Variants in HK2 observed in about 807,000 individuals in gnomAD.
HK2 encodes hexokinase-2.
Under a neutral mutation model 92.9 loss-of-function variants are expected in HK2, and 42 were observed. That is an observed-to-expected ratio of 0.45 (90% CI 0.35 to 0.58). The LOEUF (loss-of-function observed/expected upper bound fraction) is 0.58. Among genes scored for constraint, HK2 ranks in the 20% least tolerant of loss-of-function variants. HK2 has a pLI of 0.00. For missense variants in HK2, 978 were observed against 1,245.1 expected, an observed-to-expected ratio of 0.79 and a Z score of 3.23; for synonymous variants, 422 against 468.0, an observed-to-expected ratio of 0.90 and a Z score of 1.27.
rs1404965907 is a variant in HK2, at chr2:74,888,034, C to T, written c.2351C>T (p.Thr784Ile). The T allele has an allele frequency of 3.1e-6, 5 of 1,614,194 alleles. No homozygotes were observed. Among genetic ancestry groups the T allele is most frequent in the Non-Finnish European group, 8.5e-7 (1 of 1,180,036 alleles). ...ERLKTRGIFE[T>I]KFLSQIESDC... ...CTCAAGACAAGGGGCATCTTTGAAA[C>T]CAAGTTCTTGTCTCAGATTGAGAGG... The change falls in exon 16 of 18, where the codon ACC (threonine) becomes ATC (isoleucine). Residue 784 changes from threonine (T) to isoleucine (I), a missense_variant. This residue lies in a region of HK2 where 742 missense variants were observed against 922.5 expected (regional missense o/e 0.80). Coordinates refer to ENST00000290573, the MANE Select transcript of HK2 (RefSeq NM_000189.5).
rs140765480 is a variant in HK2 at position 74,864,288 on chromosome 2, C to T, written c.227-3348C>T. 8.1e-4 allele frequency among the ~76,000 whole-genome samples: 124 copies of T among 152,300 alleles called. 1 individual carries two copies. The highest frequency in any genetic ancestry group is 2.8e-3 in the African/African-American group (118 of 41,556). On this transcript the variant is annotated intron_variant, in intron 2 of 17. Transcript: ENST00000290573. ...TTGCTGTGCGTTTATAGCCATGTCA[C>T]GTGAGCCCTATGTTGTAGCTACTCT... is the stretch of plus-strand genomic sequence containing the variant.
chr2:74,835,548 A>G (rs1243396778), intron 1 of HK2, among the ~76,000 whole-genome samples: 4 of 151,908 alleles, frequency 2.6e-5, no homozygotes, highest in South Asian at 4.1e-4. Context: ...GGTCATTTAC[A>G]TAAGAAAGAG....
intron 1 of HK2, among the ~76,000 whole-genome samples, chr2:74,836,512 T>A (rs531348421): frequency 1.3e-5 from 2 of 152,210 alleles, no homozygotes; most frequent in African/African-American, 2.4e-5. Context: ...CTTTATGGAG[T>A]TGCGATTATT....
chr2:74,879,027 AC>A, intron 9 of HK2, 106 bp downstream of exon 9: 2 of 941,902 alleles, frequency 2.1e-6, no homozygotes, highest in Non-Finnish European at 3.4e-6. Flanking sequence ...GTGTGGAGGG[AC>A]CATAGAGCTG....
chr2:74,875,246 G>A (rs1333004236), intron 7 of HK2, among the ~76,000 whole-genome samples: 1 of 151,724 alleles, frequency 6.6e-6, no homozygotes, highest in African/African-American at 2.4e-5. Flanking sequence ...AAAGCTTTTC[G>A]TGCAGATCTC....
At chr2:74,868,565 G>A (rs575232692) in intron 3 of HK2, among the ~76,000 whole-genome samples, 11 of 152,074 alleles carry the variant, frequency 7.2e-5, no homozygotes, top group African/African-American at 2.4e-4. Context: ...AGTACTCTTC[G>A]TGTTTTTTTC....
rs760327492 is a variant in HK2 at position 74,854,869 on chromosome 2, G to A, written c.226+414G>A. On this transcript the variant is annotated intron_variant, in intron 2 of 17. Transcript: ENST00000290573. ...CACCTGTGCATGCTCTAACTGGGAC[G>A]CCGGACGCCGTGTAGGCATGTGGGA... Among the ~76,000 whole-genome samples the A allele has an allele frequency of 4.6e-5, 7 of 152,226 alleles. No individual in the cohort carries two copies. The East Asian group carries it at 7.7e-4, about 17-fold the overall frequency.
At position 74,885,562 on chromosome 2, in the gene HK2, G is replaced by A. The variant is rs1322003385; in HGVS notation, c.1908G>A (p.Leu636=). The change falls in exon 13 of 18, where the codon CTG becomes CTA. Residue 636 remains leucine, a synonymous_variant. Transcript: ENST00000290573. ...SGCEGEDVVT[L]LKEAIHRREE... ...GCGAGGGCGAGGACGTGGTGACCCT[G>A]CTGAAGGAAGCGATCCACCGGCGAG... The A allele has an allele frequency of 6.8e-6, 11 of 1,613,484 alleles. No individual in the cohort carries two copies. In the African/African-American group the frequency reaches 1.3e-4, roughly 20 times the overall value.
Position 74,873,960 on chromosome 2 carries a change from C to A in HK2, c.691+17C>A. The stretch of plus-strand genomic sequence containing the variant: ...TCATTGTGGGTGAGTGAACACCGTG[C>A]ATGAAGGGCCCGTGCTGGCCAAGGG... On this transcript the variant is annotated intron_variant, in intron 6 of 17. Transcript: ENST00000290573. The A allele has an allele frequency of 6.3e-7, 1 of 1,577,930 alleles. No homozygotes were observed. Among genetic ancestry groups the A allele is most frequent in the Non-Finnish European group, 8.7e-7 (1 of 1,147,200 alleles).
rs144258941 is a variant in HK2, at chr2:74,866,344, C to G, written c.227-1292C>G. Reference sequence around the variant, plus strand: ...AAGGGGTTGAGTGTTGACAAACATGCCAATAAGTGAACCCCCCAGGAAATT... The same window carrying G: ...AAGGGGTTGAGTGTTGACAAACATGGCAATAAGTGAACCCCCCAGGAAATT... On this transcript the variant is annotated intron_variant, in intron 2 of 17. Transcript: ENST00000290573. Among the ~76,000 whole-genome samples, 968 of 152,268 alleles carry G rather than the reference C, an allele frequency of 6.4e-3. 20 individuals carry two copies. The highest frequency in any genetic ancestry group is 0.021 in the African/African-American group (892 of 41,506).
chr2:74,891,198 A>C lies in HK2; in HGVS notation c.*257A>C, dbSNP rs543756118. On this transcript the variant is annotated 3_prime_UTR_variant, in exon 18 of 18. Transcript: ENST00000290573. Reference sequence around the variant, plus strand: ...TTCCCATTGGTTCTCCTAAAACATGAAAATTATCTCCCTTAGTAATCCCCC... The same window carrying C: ...TTCCCATTGGTTCTCCTAAAACATGCAAATTATCTCCCTTAGTAATCCCCC... The C allele has an allele frequency of 1.9e-6, 1 of 522,626 alleles. No homozygotes were observed. Among genetic ancestry groups the C allele is most frequent in the South Asian group, 2.0e-5 (1 of 48,864 alleles). The allele number at this position is 522,626 out of a possible 1,614,324, so 32.4% of individuals were successfully genotyped here. A position where few individuals can be genotyped will look rare whatever the true frequency, so the allele number is the denominator to read the frequency against.
chr2:74,876,428 T>C, intron 7 of HK2, among the ~76,000 whole-genome samples: 1 of 152,236 alleles, frequency 6.6e-6, no homozygotes, highest in Non-Finnish European at 1.5e-5. Context: ...CTCTCAGTTC[T>C]AGTCAGAAAG....
At chr2:74,835,729 G>C (rs750908767) in intron 1 of HK2, among the ~76,000 whole-genome samples, 1 of 152,236 alleles carries the variant, frequency 6.6e-6, no homozygotes, top group Non-Finnish European at 1.5e-5. Context: ...TTTGAGGTAG[G>C]GGACAAGTTG....
chr2:74,866,825 G>A lies in HK2; in HGVS notation c.227-811G>A, dbSNP rs141090167. On this transcript the variant is annotated intron_variant, in intron 2 of 17. Transcript: ENST00000290573. ...AGATCCTTTGAGGGGGCACCTGCTT[G>A]CCTTATTCACCAGGCCTCAATGTGT... Among the ~76,000 whole-genome samples the A allele has an allele frequency of 8.5e-4, 129 of 152,268 alleles. 1 individual carries two copies. Among genetic ancestry groups the A allele is most frequent in the African/African-American group, 2.9e-3 (120 of 41,512 alleles).
chr2:74,886,235 T>C, intron 13 of HK2, 59 bp from the exon 14 acceptor site: 2 of 1,203,420 alleles, frequency 1.7e-6, no homozygotes, highest in Non-Finnish European at 2.5e-6. Flanking sequence ...CATGCAATTG[T>C]CTGAAAGGAG....
At chr2:74,847,862 C>T (rs148328053) in intron 1 of HK2, among the ~76,000 whole-genome samples, 13 of 152,334 alleles carry the variant, frequency 8.5e-5, no homozygotes, top group East Asian at 7.7e-4. Flanking sequence ...CTAACCCTTA[C>T]TGGGGACTGA....
chr2:74,846,498 C>T (rs1024130849), intron 1 of HK2, among the ~76,000 whole-genome samples: 7 of 152,158 alleles, frequency 4.6e-5, no homozygotes, highest in African/African-American at 1.7e-4. Flanking sequence ...TGTTTTTGTA[C>T]TTAATATAAA....
Position 74,867,022 on chromosome 2 carries a change from G to A in HK2, c.227-614G>A, listed in dbSNP as rs190587995. ...CCGTGCTTGCAATTTGGTGTTCTGG[G>A]GGTATGAGGAACAGGATGGAGGCAT... On this transcript the variant is annotated intron_variant, in intron 2 of 17. Coordinates refer to ENST00000290573, the MANE Select transcript of HK2 (RefSeq NM_000189.5). Among the ~76,000 whole-genome samples the A allele has an allele frequency of 4.4e-4, 67 of 152,256 alleles. 2 individuals carry two copies. The highest frequency in any genetic ancestry group is 3.4e-3 in the Admixed American group (52 of 15,302).
chr2:74,851,070 C>T (rs1220080356), intron 1 of HK2, among the ~76,000 whole-genome samples: 2 of 152,168 alleles, frequency 1.3e-5, no homozygotes, highest in African/African-American at 2.4e-5. Context: ...AATAAGGTCC[C>T]AGGGTCATCC....
Sources: gnomAD v4.1 joint callset for allele counts (sites outside exome capture counted in the v4.1 genomes callset) on GRCh38, gnomAD v4.1.1 for gene constraint, gnomAD v4.1.1 regional missense constraint, MANE v1.5 for transcripts, NCBI Gene and HGNC (gene_info 2026-07-23, HGNC 2026-07-21) for gene names.